Variants in POU2F3 observed in about 807,000 individuals in gnomAD.
POU2F3 encodes POU domain, class 2, transcription factor 3.
A neutral mutation model predicts 59.2 loss-of-function variants in POU2F3; 23 were observed. The ratio of observed to expected loss-of-function variants is 0.39; its 90% CI spans 0.28 to 0.55. The LOEUF (loss-of-function observed/expected upper bound fraction) is 0.55. POU2F3 is among the 20% of genes least tolerant of loss of function. The pLI, the probability that POU2F3 is intolerant of heterozygous loss-of-function variation, is 0.66. For synonymous variants in POU2F3, 190 were observed against 214.6 expected, an observed-to-expected ratio of 0.89 and a Z score of 1.00; for missense variants, 473 against 544.5, an observed-to-expected ratio of 0.87 and a Z score of 1.31.
Position 120,253,362 on chromosome 11 carries a change from C to T in POU2F3, c.97+6845C>T, listed in dbSNP as rs906166512. On this transcript the variant is annotated intron_variant, in intron 2 of 12. Coordinates refer to ENST00000543440, the MANE Select transcript of POU2F3 (RefSeq NM_014352.4). ...GCAACCTCCACCTCCCGGGTTCAAGCGATTCTCCTGCCTCAGCCTCCCATG... is the reference window on the plus strand; with the variant it reads ...GCAACCTCCACCTCCCGGGTTCAAGTGATTCTCCTGCCTCAGCCTCCCATG... Among the ~76,000 whole-genome samples, 5 of 152,028 alleles carry T rather than the reference C, an allele frequency of 3.3e-5. No individual in the cohort carries two copies. In the South Asian group the frequency reaches 6.2e-4, roughly 19 times the overall value.
At chr11:120,305,611 C>T in intron 7 of POU2F3, 33 bp from the exon 8 acceptor site, 1 of 1,609,898 alleles carries the variant, frequency 6.2e-7, no homozygotes, top group East Asian at 2.2e-5. Flanking sequence ...GAGGCTGCCT[C>T]TCATGTTCCT....
At chr11:120,277,621 C>CA (rs886909788) in intron 3 of POU2F3, among the ~76,000 whole-genome samples, 287 of 145,162 alleles carry the variant, frequency 2.0e-3, no homozygotes, top group South Asian at 3.9e-3. Flanking sequence ...ACTAAAATTG[C>CA]AAAAAAAAAA....
intron 5 of POU2F3, among the ~76,000 whole-genome samples, chr11:120,300,147 G>A (rs534789831): frequency 1.6e-4 from 24 of 152,350 alleles, no homozygotes; most frequent in Middle Eastern, 3.4e-3. Flanking sequence ...TTTGGAGAGA[G>A]CAGCAGTGCC....
chr11:120,296,585 GTGT>G (rs1941198808), intron 3 of POU2F3, among the ~76,000 whole-genome samples: 1 of 152,072 alleles, frequency 6.6e-6, no homozygotes, highest in Non-Finnish European at 1.5e-5. Flanking sequence ...GCCCCAGTGC[GTGT>G]TGTTCCCCTC....
intron 2 of POU2F3, among the ~76,000 whole-genome samples, chr11:120,250,604 T>G (rs1331581083): frequency 6.6e-6 from 1 of 152,172 alleles, no homozygotes; most frequent in Non-Finnish European, 1.5e-5. Context: ...GCCTGAGTCT[T>G]TCTAGTGACT....
At chr11:120,266,956 G>A (rs2135187443) in intron 2 of POU2F3, among the ~76,000 whole-genome samples, 1 of 152,314 alleles carries the variant, frequency 6.6e-6, no homozygotes, top group South Asian at 2.1e-4. Flanking sequence ...TTGAATTAAT[G>A]AATGTGTTCT....
intron 9 of POU2F3, 51 bp downstream of exon 9, chr11:120,307,666 G>A: frequency 6.2e-7 from 1 of 1,608,374 alleles, no homozygotes; most frequent in Non-Finnish European, 8.5e-7. Context: ...CACAGGTAGG[G>A]AGAGCAGACA....
chr11:120,290,295 A>G (rs148713039), intron 3 of POU2F3, among the ~76,000 whole-genome samples: 1 of 152,340 alleles, frequency 6.6e-6, no homozygotes, highest in East Asian at 1.9e-4. Flanking sequence ...ACCTGTTGAA[A>G]ACTTCACTCT....
chr11:120,301,109 G>C (rs1426465326), intron 5 of POU2F3: 1 of 454,294 alleles, frequency 2.2e-6, no homozygotes, highest in Non-Finnish European at 4.4e-6. Flanking sequence ...TGATGCAGTG[G>C]TGGAAAGACA....
intron 8 of POU2F3, among the ~76,000 whole-genome samples, chr11:120,306,991 A>G (rs1424319633): frequency 6.6e-6 from 1 of 152,246 alleles, no homozygotes; most frequent in Admixed American, 6.5e-5. Context: ...TTGCACTGGC[A>G]GGAAAATGAC....
chr11:120,267,254 G>C (rs758509078), intron 2 of POU2F3, among the ~76,000 whole-genome samples: 1 of 151,546 alleles, frequency 6.6e-6, no homozygotes, highest in African/African-American at 2.4e-5. Flanking sequence ...TCACCCTCCC[G>C]AATAGCTGGG....
intron 3 of POU2F3, among the ~76,000 whole-genome samples, chr11:120,287,008 A>G (rs1940807310): frequency 6.6e-6 from 1 of 152,200 alleles, no homozygotes; most frequent in Admixed American, 6.5e-5. Flanking sequence ...ACAGTGACCC[A>G]TCGTTAATCA....
At chr11:120,312,415 A>G (rs1346835759) in intron 10 of POU2F3, among the ~76,000 whole-genome samples, 4 of 152,032 alleles carry the variant, frequency 2.6e-5, no homozygotes, top group Non-Finnish European at 4.4e-5. Flanking sequence ...GAGCCACCGC[A>G]CCCAGCCCAA....
intron 1 of POU2F3, among the ~76,000 whole-genome samples, 187 bp downstream of exon 1, chr11:120,240,558 G>A (rs1440984441): frequency 6.8e-6 from 1 of 146,334 alleles, no homozygotes; most frequent in African/African-American, 2.5e-5. Context: ...GGGGATCTGG[G>A]ATAAGAAACC....
intron 2 of POU2F3, among the ~76,000 whole-genome samples, chr11:120,260,547 G>T (rs997901826): frequency 6.6e-6 from 1 of 152,188 alleles, no homozygotes; most frequent in Non-Finnish European, 1.5e-5. Context: ...GAATCCTGGG[G>T]CTCCCCAGAA....
chr11:120,299,513 C>T, intron 4 of POU2F3, 111 bp from the exon 5 acceptor site: 1 of 868,100 alleles, frequency 1.2e-6, no homozygotes, highest in Non-Finnish European at 1.8e-6. Context: ...CAAGGTCAGC[C>T]TGCAAAGTCT....
At position 120,318,516 on chromosome 11, in the gene POU2F3, C is replaced by G; in HGVS notation, c.*124C>G. Reference sequence around the variant, plus strand: ...GAAGAAAATCTCCACTATCAATGAACCCAGACTCTTGTCTTCTTCAAGAGC... The same window carrying G: ...GAAGAAAATCTCCACTATCAATGAAGCCAGACTCTTGTCTTCTTCAAGAGC... On this transcript the variant is annotated 3_prime_UTR_variant, in exon 13 of 13. Coordinates refer to ENST00000543440, the MANE Select transcript of POU2F3 (RefSeq NM_014352.4). 4 of 994,024 alleles carry G rather than the reference C, an allele frequency of 4.0e-6. No individual in the cohort carries two copies. The highest frequency in any genetic ancestry group is 6.2e-6 in the Non-Finnish European group (4 of 642,132). The allele number at this position is 994,024 out of a possible 1,614,324, so 61.6% of individuals were successfully genotyped here. A position where few individuals can be genotyped will look rare whatever the true frequency, so the allele number is the denominator to read the frequency against.
intron 3 of POU2F3, among the ~76,000 whole-genome samples, chr11:120,270,698 C>T (rs754553768): frequency 2.0e-5 from 3 of 152,058 alleles, no homozygotes; most frequent in Non-Finnish European, 4.4e-5. Context: ...TATGAAGTCA[C>T]TGTTTTGTTT....
At chr11:120,239,394 A>G (rs1345447882), upstream of POU2F3, among the ~76,000 whole-genome samples, 1 of 152,102 alleles carries the variant, frequency 6.6e-6, no homozygotes, top group African/African-American at 2.4e-5. Context: ...GGAAGTGTGC[A>G]CCTTTGAGCA....
Sources: allele counts gnomAD v4.1 joint callset (sites outside exome capture counted in the v4.1 genomes callset), GRCh38; gene constraint gnomAD v4.1.1; transcripts MANE v1.5; gene names NCBI Gene and HGNC (gene_info 2026-07-23, HGNC 2026-07-21).